UBE2E2: variants seen among roughly 807,000 people sequenced by gnomAD.
UBE2E2 encodes ubiquitin conjugating enzyme E2 E2, also known as ubiquitin-conjugating enzyme E2 E2.
In UBE2E2, 6 loss-of-function variants were observed where a neutral mutation model predicts 24.7. That is an observed-to-expected ratio of 0.24 (90% confidence interval 0.13 to 0.48). UBE2E2 has a LOEUF of 0.48. Among genes scored for constraint, UBE2E2 ranks in the 20% least tolerant of loss-of-function variants. The probability of loss-of-function intolerance (pLI) is 0.99; values close to 1 mark genes in which losing one functional copy is unlikely to be tolerated. For synonymous variants in UBE2E2, 104 were observed against 83.6 expected, an observed-to-expected ratio of 1.24 and a Z score of -1.33; for missense variants, 169 against 245.0, an observed-to-expected ratio of 0.69 and a Z score of 2.07.
At chr3:23,319,286 G>A (rs1045816392) in intron 3 of UBE2E2, among the ~76,000 whole-genome samples, 1 of 151,904 alleles carries the variant, frequency 6.6e-6, no homozygotes, top group African/African-American at 2.4e-5. Context: ...TGTTCTCTTC[G>A]GTCTGAAATG....
At chr3:23,387,891 A>T (rs1281415694) in intron 3 of UBE2E2, among the ~76,000 whole-genome samples, 2 of 152,170 alleles carry the variant, frequency 1.3e-5, no homozygotes, top group Admixed American at 6.5e-5. Context: ...TAGTGGGGTC[A>T]CATCTAGAAT....
In UBE2E2 at chr3:23,413,937, A is replaced by G. The variant is rs55707830; in HGVS notation, c.228-85671A>G. On this transcript the variant is annotated intron_variant, in intron 3 of 5. Transcript: ENST00000396703. ...CATATATTTATCGTTATTACTATAT[A>G]TCTGTATATCTTGGTTTTTACATTT... 9.9e-3 allele frequency among the ~76,000 whole-genome samples: 1,503 copies of G among 152,300 alleles called. 5 individuals are homozygous for G. The highest frequency in any genetic ancestry group is 0.016 in the Non-Finnish European group (1,057 of 68,028).
intron 3 of UBE2E2, among the ~76,000 whole-genome samples, chr3:23,353,144 A>T (rs1049577423): frequency 2.6e-5 from 4 of 152,254 alleles, no homozygotes; most frequent in Non-Finnish European, 1.5e-5. Context: ...CACCATGATT[A>T]TCTCAATATA....
intron 3 of UBE2E2, among the ~76,000 whole-genome samples, chr3:23,362,238 C>G (rs1221872349): frequency 6.6e-6 from 1 of 152,160 alleles, no homozygotes; most frequent in African/African-American, 2.4e-5. Flanking sequence ...ATCAATCTAT[C>G]TGGGCTCAGT....
At chr3:23,541,264 C>T (rs1199380345) in intron 5 of UBE2E2, among the ~76,000 whole-genome samples, 5 of 152,182 alleles carry the variant, frequency 3.3e-5, no homozygotes, top group African/African-American at 2.4e-5. Flanking sequence ...TATTTTCTGA[C>T]TCAACTTTTC....
At chr3:23,529,027 A>T (rs551652576) in intron 4 of UBE2E2, among the ~76,000 whole-genome samples, 1 of 152,218 alleles carries the variant, frequency 6.6e-6, no homozygotes, top group Non-Finnish European at 1.5e-5. Context: ...AATTGTGCAG[A>T]GTGAAAAGAA....
intron 3 of UBE2E2, chr3:23,270,857 G>C (rs1217253978): frequency 4.4e-6 from 2 of 453,552 alleles, no homozygotes; most frequent in Non-Finnish European, 8.9e-6. Context: ...GGGAAATCTA[G>C]TGTTTAATTA....
intron 3 of UBE2E2, among the ~76,000 whole-genome samples, chr3:23,452,704 T>C (rs943211394): frequency 6.6e-6 from 1 of 152,172 alleles, no homozygotes; most frequent in African/African-American, 2.4e-5. Flanking sequence ...TTATCCCTGA[T>C]GGGAGAAAGA....
chr3:23,507,603 G>A (rs1435244613), intron 4 of UBE2E2, among the ~76,000 whole-genome samples: 1 of 152,208 alleles, frequency 6.6e-6, no homozygotes, highest in Non-Finnish European at 1.5e-5. Flanking sequence ...GGCCACAAAG[G>A]AAGTAGGTAG....
At chr3:23,576,831 G>A (rs575843789) in intron 5 of UBE2E2, among the ~76,000 whole-genome samples, 11 of 152,136 alleles carry the variant, frequency 7.2e-5, no homozygotes, top group African/African-American at 2.6e-4. Flanking sequence ...CGTCCAGTGA[G>A]AAAACAGAAA....
chr3:23,301,677 T>G (rs553031316), intron 3 of UBE2E2, among the ~76,000 whole-genome samples: 34 of 152,244 alleles, frequency 2.2e-4, no homozygotes, highest in Non-Finnish European at 3.8e-4. Flanking sequence ...CCGTGTGAGG[T>G]GTCAGTCCAC....
intron 2 of UBE2E2, among the ~76,000 whole-genome samples, chr3:23,216,124 C>G (rs1181988569): frequency 6.6e-6 from 1 of 152,102 alleles, no homozygotes; most frequent in Non-Finnish European, 1.5e-5. Flanking sequence ...AATGGCCTAG[C>G]AGAATTACAA....
At chr3:23,268,739 T>C (rs1482369934) in intron 3 of UBE2E2, among the ~76,000 whole-genome samples, 30 of 148,554 alleles carry the variant, frequency 2.0e-4, no homozygotes, top group Non-Finnish European at 3.3e-4. Context: ...GAGCCCGCAT[T>C]GCCAAGTCAA....
At chr3:23,327,667 G>T (rs1217533674) in intron 3 of UBE2E2, among the ~76,000 whole-genome samples, 4 of 152,200 alleles carry the variant, frequency 2.6e-5, no homozygotes, top group Admixed American at 2.0e-4. Context: ...AATTCTTTCA[G>T]TGAAGGTATG....
intron 5 of UBE2E2, among the ~76,000 whole-genome samples, chr3:23,533,487 G>A (rs1481346629): frequency 6.6e-6 from 1 of 151,976 alleles, no homozygotes; most frequent in African/African-American, 2.4e-5. Flanking sequence ...TTACACAAAT[G>A]GAAATGACGA....
chr3:23,571,781 A>C (rs1696238433), intron 5 of UBE2E2, among the ~76,000 whole-genome samples: 1 of 152,180 alleles, frequency 6.6e-6, no homozygotes, highest in South Asian at 2.1e-4. Context: ...CTGAATCTTT[A>C]CTAACGAATC....
intron 4 of UBE2E2, among the ~76,000 whole-genome samples, chr3:23,525,475 G>A (rs376298796): frequency 6.6e-6 from 1 of 152,128 alleles, no homozygotes; most frequent in Non-Finnish European, 1.5e-5. Context: ...TATCCAAGTC[G>A]TATTTTTAAA....
intron 3 of UBE2E2, among the ~76,000 whole-genome samples, chr3:23,297,074 T>C (rs1698931113): frequency 6.6e-6 from 1 of 152,236 alleles, no homozygotes; most frequent in Admixed American, 6.5e-5. Context: ...GACGAGCACT[T>C]TTTCATGTGT....
intron 5 of UBE2E2, among the ~76,000 whole-genome samples, chr3:23,564,450 A>G (rs1696014824): frequency 2.0e-5 from 3 of 152,152 alleles, no homozygotes; most frequent in African/African-American, 4.8e-5. Flanking sequence ...GCTTGTTACC[A>G]TGTTCAATTT....
Sources: allele counts gnomAD v4.1 joint callset (sites outside exome capture counted in the v4.1 genomes callset), GRCh38; gene constraint gnomAD v4.1.1; transcripts MANE v1.5; gene names NCBI Gene and HGNC (gene_info 2026-07-23, HGNC 2026-07-21).